TMEM132D: variants seen among roughly 807,000 people sequenced by gnomAD.
TMEM132D encodes transmembrane protein 132D.
Under a neutral mutation model 62.3 loss-of-function variants are expected in TMEM132D, and 21 were observed. That is an observed-to-expected ratio of 0.34 (90% CI 0.24 to 0.49). TMEM132D has a LOEUF of 0.49. Ranked by LOEUF, TMEM132D falls within the 20% of genes least tolerant of loss-of-function variation. TMEM132D has a pLI of 0.99. For synonymous variants in TMEM132D, 621 were observed against 575.6 expected (o/e 1.08, Z -1.13); for missense variants, 1,346 against 1,402.8 (o/e 0.96, Z 0.65).
chr12:129,342,157 G>A (rs989595585), intron 3 of TMEM132D, among the ~76,000 whole-genome samples: 95 of 152,250 alleles, frequency 6.2e-4, no homozygotes, highest in African/African-American at 8.4e-4. Flanking sequence ...GAGGCATCAC[G>A]CTACCTGACT....
chr12:129,137,291 A>T (rs1484921182), intron 5 of TMEM132D, among the ~76,000 whole-genome samples: 1 of 152,060 alleles, frequency 6.6e-6, no homozygotes, highest in Non-Finnish European at 1.5e-5. Flanking sequence ...TACCATCATC[A>T]CTATCACTAT....
chr12:129,850,060 G>A (rs904099031), intron 1 of TMEM132D, among the ~76,000 whole-genome samples: 3 of 152,218 alleles, frequency 2.0e-5, no homozygotes, highest in African/African-American at 7.2e-5. Flanking sequence ...CCATATATTT[G>A]TGGATTTGAA....
At chr12:129,874,515 T>C (rs1874351722) in intron 1 of TMEM132D, among the ~76,000 whole-genome samples, 1 of 151,790 alleles carries the variant, frequency 6.6e-6, no homozygotes, top group Non-Finnish European at 1.5e-5. Flanking sequence ...ACAATGCATA[T>C]GTATATCAAA....
At chr12:129,620,877 GTTAA>G (rs1165343516) in intron 2 of TMEM132D, among the ~76,000 whole-genome samples, 1 of 152,134 alleles carries the variant, frequency 6.6e-6, no homozygotes, top group Non-Finnish European at 1.5e-5. Flanking sequence ...GCACACTGGG[GTTAA>G]TACCTAGGCG....
At chr12:129,718,565 T>C (rs866476268) in intron 1 of TMEM132D, among the ~76,000 whole-genome samples, 2 of 152,252 alleles carry the variant, frequency 1.3e-5, no homozygotes. Context: ...AGGCCTTTTA[T>C]GGAGAAAGTG....
rs555444382 is a variant in TMEM132D, at chr12:129,482,112, T to C, written c.1115+48947A>G. ...CAGAAGGAGGTCCCAGCCATATGAC[T>C]CTAGCTGAGCTGTCTCAGCCAGCCC... On this transcript the variant is annotated intron_variant, in intron 3 of 8. Transcript: ENST00000422113. Among the ~76,000 whole-genome samples, 5 of 152,322 alleles carry C rather than the reference T, an allele frequency of 3.3e-5. No homozygotes were observed. In the South Asian group the frequency reaches 1.0e-3, roughly 32 times the overall value.
In TMEM132D at chr12:129,772,468, C is replaced by A. The variant is rs114202875; in HGVS notation, c.80-71770G>T. ...TTTTAAAGAAAGTAAATGTGTATTT[C>A]CATTTTAACTACTGAAATCCAGCCC... On this transcript the variant is annotated intron_variant, in intron 1 of 8. Transcript: ENST00000422113. Among the ~76,000 whole-genome samples the A allele has an allele frequency of 1.9e-3, 292 of 152,194 alleles. 3 individuals are homozygous for A. Among genetic ancestry groups the A allele is most frequent in the African/African-American group, 6.6e-3 (275 of 41,530 alleles).
intron 3 of TMEM132D, among the ~76,000 whole-genome samples, chr12:129,438,143 G>A (rs1188028701): frequency 6.6e-6 from 1 of 152,122 alleles, no homozygotes; most frequent in African/African-American, 2.4e-5. Context: ...GTCTATCACT[G>A]ATGGGCATTT....
At chr12:129,300,563 G>A (rs535532378) in intron 4 of TMEM132D, among the ~76,000 whole-genome samples, 1 of 152,236 alleles carries the variant, frequency 6.6e-6, no homozygotes, top group Non-Finnish European at 1.5e-5. Flanking sequence ...AGTATAAAAC[G>A]GTGTGTTGGA....
chr12:129,368,540 T>G (rs1870497118), intron 3 of TMEM132D, among the ~76,000 whole-genome samples: 1 of 152,206 alleles, frequency 6.6e-6, no homozygotes, highest in Non-Finnish European at 1.5e-5. Context: ...CTGCCTTCCC[T>G]TCTTCATTCC....
chr12:129,309,779 G>T (rs1346252815), intron 4 of TMEM132D, among the ~76,000 whole-genome samples: 1 of 152,138 alleles, frequency 6.6e-6, no homozygotes, highest in African/African-American at 2.4e-5. Context: ...ACTCATTGAA[G>T]TTGAATAAGT....
chr12:129,291,830 T>C (rs1307209243), intron 4 of TMEM132D, among the ~76,000 whole-genome samples: 1 of 152,094 alleles, frequency 6.6e-6, no homozygotes, highest in Non-Finnish European at 1.5e-5. Flanking sequence ...CTGATTTCTG[T>C]TCTAAGCAGA....
intron 3 of TMEM132D, among the ~76,000 whole-genome samples, chr12:129,437,496 C>T (rs1204476989): frequency 1.3e-5 from 2 of 152,132 alleles, no homozygotes; most frequent in Non-Finnish European, 2.9e-5. Flanking sequence ...CTACTTTGCA[C>T]GTTTTCATAC....
intron 5 of TMEM132D, among the ~76,000 whole-genome samples, chr12:129,093,952 T>C (rs1298503929): frequency 6.6e-6 from 1 of 151,820 alleles, no homozygotes; most frequent in Non-Finnish European, 1.5e-5. Context: ...ATTTAATAAA[T>C]GGTGCTGGGA....
At chr12:129,839,642 C>T (rs1053027724) in intron 1 of TMEM132D, among the ~76,000 whole-genome samples, 1 of 152,166 alleles carries the variant, frequency 6.6e-6, no homozygotes, top group Non-Finnish European at 1.5e-5. Context: ...TAAAAAAAGA[C>T]TGAGCATATT....
At chr12:129,647,917 G>T (rs1879828772) in intron 2 of TMEM132D, among the ~76,000 whole-genome samples, 1 of 152,124 alleles carries the variant, frequency 6.6e-6, no homozygotes, top group Non-Finnish European at 1.5e-5. Flanking sequence ...CCTCCAAGCT[G>T]CCCTAGTTCA....
At chr12:129,546,005 A>C (rs1390718902) in intron 2 of TMEM132D, among the ~76,000 whole-genome samples, 3 of 152,130 alleles carry the variant, frequency 2.0e-5, no homozygotes, top group African/African-American at 7.2e-5. Flanking sequence ...GTCTGTTCTC[A>C]GGTTGTCTGA....
intron 2 of TMEM132D, among the ~76,000 whole-genome samples, chr12:129,688,951 C>A (rs1228842045): frequency 2.0e-5 from 3 of 152,130 alleles, no homozygotes; most frequent in Non-Finnish European, 4.4e-5. Context: ...GAGGTTATTG[C>A]GTCCCTTGGG....
chr12:129,878,288 G>A (rs1874492276), intron 1 of TMEM132D, among the ~76,000 whole-genome samples: 1 of 152,138 alleles, frequency 6.6e-6, no homozygotes, highest in South Asian at 2.1e-4. Context: ...AAATCCTACT[G>A]AGATTCTCAG....
Sources: allele counts gnomAD v4.1 joint callset (sites outside exome capture counted in the v4.1 genomes callset), GRCh38; gene constraint gnomAD v4.1.1; transcripts MANE v1.5; gene names NCBI Gene and HGNC (gene_info 2026-07-23, HGNC 2026-07-21).